The following ADGRE2 variants were observed in gnomAD, a reference collection of about 807,000 sequenced individuals.
The protein encoded by ADGRE2 is CD97 antigen.
ADGRE2 carries 83 observed loss-of-function variants against 100.8 expected under a neutral mutation model. The ratio of observed to expected loss-of-function variants is 0.82; its 90% CI spans 0.69 to 0.99. The LOEUF is 0.99. Among genes scored for constraint, ADGRE2 ranks in the 50% least tolerant of loss-of-function variants. The pLI is 0.00. For missense variants in ADGRE2, 814 were observed against 1,035.7 expected (o/e 0.79, Z 2.94); for synonymous variants, 355 against 413.0 (o/e 0.86, Z 1.70).
At chr19:14,725,270 C>T in the ADGRE2 span, among the ~76,000 whole-genome samples, 87 of 152,268 alleles carry the variant, frequency 5.7e-4, 1 homozygote, top group African/African-American at 2.0e-3. Context: ...GGGATTTGCC[C>T]CCATGATCCG....
chr19:14,739,758 A>G (rs1393012430), intron 20 of ADGRE2, among the ~76,000 whole-genome samples: 1 of 152,198 alleles, frequency 6.6e-6, no homozygotes, highest in Admixed American at 6.6e-5. Flanking sequence ...TGGTGAACCC[A>G]ATGTAATCAT....
Position 14,736,248 on chromosome 19 carries a change from A to AT in ADGRE2, c.2464-5_2464-4insA. On this transcript the variant is annotated splice_region_variant and splice_polypyrimidine_tract_variant and intron_variant, in intron 20 of 20. Coordinates refer to ENST00000315576, the MANE Select transcript of ADGRE2 (RefSeq NM_013447.4). ...TCAGAAGATTTTTCTAGTTAACCTGAAATATATATATATGTATGTATTTTG... is the reference window on the plus strand; with the variant it reads ...TCAGAAGATTTTTCTAGTTAACCTGATAATATATATATATGTATGTATTTTG... 6.5e-7 allele frequency: 1 copy of AT among 1,543,472 alleles called. No individual in the cohort carries two copies. The highest frequency in any genetic ancestry group is 8.9e-7 in the Non-Finnish European group (1 of 1,118,330).
At chr19:14,761,755 C>A (rs1213191474) in intron 11 of ADGRE2, among the ~76,000 whole-genome samples, 1 of 151,918 alleles carries the variant, frequency 6.6e-6, no homozygotes, top group Non-Finnish European at 1.5e-5. Context: ...GGCGAAGACT[C>A]CATTTGCATA....
intron 16 of ADGRE2, among the ~76,000 whole-genome samples, 174 bp from the exon 17 acceptor site, chr19:14,747,136 A>C (rs1264304728): frequency 2.6e-5 from 4 of 152,104 alleles, no homozygotes; most frequent in African/African-American, 4.8e-5. Context: ...TGGTGGAGAA[A>C]ATGAACACGG....
At chr19:14,769,105 C>A (rs1398088294) in intron 5 of ADGRE2, among the ~76,000 whole-genome samples, 5 of 152,058 alleles carry the variant, frequency 3.3e-5, no homozygotes, top group Non-Finnish European at 4.4e-5. Context: ...AAATAAGATA[C>A]CAGGTCGGAC....
intron 1 of ADGRE2, chr19:14,777,151 G>T: frequency 4.2e-6 from 4 of 963,428 alleles, no homozygotes; most frequent in Non-Finnish European, 4.9e-6. Flanking sequence ...AGGTGTGGCA[G>T]CCGGGCGGGG....
chr19:14,770,907 T>C (rs1001847928), intron 5 of ADGRE2, among the ~76,000 whole-genome samples: 6 of 152,114 alleles, frequency 3.9e-5, no homozygotes, highest in Non-Finnish European at 8.8e-5. Flanking sequence ...CTTGAACTCC[T>C]GACCTCAGGT....
At chr19:14,740,646 A>T (rs1309643801) in intron 20 of ADGRE2, among the ~76,000 whole-genome samples, 1 of 152,012 alleles carries the variant, frequency 6.6e-6, no homozygotes, top group Non-Finnish European at 1.5e-5. Flanking sequence ...AAGAAAAATA[A>T]AAAAGGAAAA....
chr19:14,763,791 C>T (rs1024667684), intron 11 of ADGRE2, among the ~76,000 whole-genome samples: 1 of 5,024 alleles, frequency 2.0e-4, no homozygotes, highest in Non-Finnish European at 4.6e-4. Context: ...CTTTTCTCCT[C>T]CTCCTCTCTT....
At chr19:14,773,099 CAAAAAAAAAAAG>C (rs2044277417) in intron 4 of ADGRE2, among the ~76,000 whole-genome samples, 2 of 72,102 alleles carry the variant, frequency 2.8e-5, no homozygotes, top group African/African-American at 1.1e-4. Context: ...AAAAAAAAAA[CAAAAAAAAAAAG>C]AAAAAAGAAA....
the ADGRE2 span, among the ~76,000 whole-genome samples, chr19:14,724,781 T>C: frequency 6.6e-6 from 1 of 152,116 alleles, no homozygotes; most frequent in Non-Finnish European, 1.5e-5. Flanking sequence ...AGAAAAACTT[T>C]GTTTAAAAAT....
At chr19:14,763,526 C>T (rs908080684) in intron 11 of ADGRE2, among the ~76,000 whole-genome samples, 1 of 151,760 alleles carries the variant, frequency 6.6e-6, no homozygotes, top group Non-Finnish European at 1.5e-5. Flanking sequence ...ATTCATATTA[C>T]AATGAAAATG....
At position 14,766,862 on chromosome 19, in the gene ADGRE2, T is replaced by C. The variant is rs2044000503; in HGVS notation, c.487+116A>G. ...CCTTAGGCAGGGGCTTAGCAGGTCC[T>C]TGACCTTGTGGGAACCTGCGGATCT... On this transcript the variant is annotated intron_variant, in intron 6 of 20. Transcript: ENST00000315576. 8.1e-6 allele frequency: 10 copies of C among 1,240,358 alleles called. No homozygotes were observed. In the East Asian group the frequency reaches 2.1e-4, roughly 27 times the overall value. The allele number at this position is 1,240,358 out of a possible 1,614,324, so 76.8% of individuals were successfully genotyped here. A position where few individuals can be genotyped will look rare whatever the true frequency, so the allele number is the denominator to read the frequency against.
chr19:14,725,062 C>G, the ADGRE2 span, among the ~76,000 whole-genome samples: 1 of 152,200 alleles, frequency 6.6e-6, no homozygotes, highest in African/African-American at 2.4e-5. Context: ...TGGCACCAGC[C>G]TCTGCTCAGC....
intron 18 of ADGRE2, among the ~76,000 whole-genome samples, chr19:14,744,730 C>T (rs2043034608): frequency 6.6e-6 from 1 of 151,996 alleles, no homozygotes; most frequent in East Asian, 1.9e-4. Context: ...GTTAGGATTA[C>T]AGGCGTGAGC....
intron 11 of ADGRE2, among the ~76,000 whole-genome samples, chr19:14,760,537 C>G (rs879261370): frequency 1.3e-5 from 2 of 152,002 alleles, no homozygotes; most frequent in African/African-American, 2.4e-5. Context: ...AGTATATACC[C>G]CAAAGAACTG....
rs138601089 is a variant in ADGRE2, at chr19:14,767,057, G to A, written c.408C>T (p.Cys136=). The A allele has an allele frequency of 5.3e-5, 78 of 1,478,672 alleles. No homozygotes were observed. The African/African-American group carries it at 1.2e-3, about 22-fold the overall frequency. 91.6% of individuals were successfully genotyped at this position (1,478,672 alleles called of 1,614,324 possible). ...NPRLCKSYGT[C]VNTLGSYTCQ... is the part of the protein sequence containing the mutation. The stretch of plus-strand genomic sequence containing the variant: ...ACGTGTAGCTGCCGAGGGTGTTGAC[G>A]CAGGTGCCGTAGCTTTTACAGAGCC... Residue 136 remains cysteine (C), a synonymous_variant, in exon 6 of 21, where the codon TGC becomes TGT. Coordinates refer to ENST00000315576, the MANE Select transcript of ADGRE2 (RefSeq NM_013447.4).
At chr19:14,777,887 T>C (rs1409350829) in intron 1 of ADGRE2, among the ~76,000 whole-genome samples, 4 of 152,212 alleles carry the variant, frequency 2.6e-5, no homozygotes, top group Non-Finnish European at 5.9e-5. Flanking sequence ...CTTAATCCAG[T>C]CTATCATTGA....
chr19:14,752,144 G>C lies in ADGRE2; in HGVS notation c.1788+185C>G, dbSNP rs563630410. Among the ~76,000 whole-genome samples, 5 of 151,960 alleles carry C rather than the reference G, an allele frequency of 3.3e-5. No homozygotes were observed. In the South Asian group the frequency reaches 1.0e-3, roughly 32 times the overall value. On this transcript the variant is annotated intron_variant, in intron 15 of 20. Coordinates refer to ENST00000315576, the MANE Select transcript of ADGRE2 (RefSeq NM_013447.4). Reference sequence around the variant, plus strand: ...GACGGGGTTTCTCCATGTTGGTCAGGCTGGTCTCAAACTCCCGACCTGAGG... The same window carrying C: ...GACGGGGTTTCTCCATGTTGGTCAGCCTGGTCTCAAACTCCCGACCTGAGG...
Sources: gnomAD v4.1 joint callset for allele counts (sites outside exome capture counted in the v4.1 genomes callset) on GRCh38, gnomAD v4.1.1 for gene constraint, MANE v1.5 for transcripts, NCBI Gene and HGNC (gene_info 2026-07-23, HGNC 2026-07-21) for gene names.